CHRM3: variants seen among roughly 807,000 people sequenced by gnomAD.
The protein encoded by CHRM3 is cholinergic receptor muscarinic 3.
In CHRM3, 11 loss-of-function variants were observed where a neutral mutation model predicts 41.8. The observed-to-expected ratio is 0.26, with a 90% CI of 0.17 to 0.44. CHRM3 has a LOEUF of 0.44. Among genes scored for constraint, CHRM3 ranks in the 20% least tolerant of loss-of-function variants. The probability of loss-of-function intolerance (pLI) is 1.00; values close to 1 mark genes in which losing one functional copy is unlikely to be tolerated. For missense variants in CHRM3, 571 were observed against 745.4 expected (o/e 0.77, Z 2.72); for synonymous variants, 297 against 301.4 (o/e 0.99, Z 0.15).
chr1:239,665,353 T>G (rs1473577351), intron 4 of CHRM3, among the ~76,000 whole-genome samples: 1 of 152,076 alleles, frequency 6.6e-6, no homozygotes, highest in Non-Finnish European at 1.5e-5. Context: ...CCCTCTCATC[T>G]TGAATTTGTT....
chr1:239,680,499 A>C (rs73109177), intron 5 of CHRM3, among the ~76,000 whole-genome samples: 5,883 of 152,156 alleles, frequency 0.039, 262 homozygotes, highest in East Asian at 0.11. Context: ...TTACCTATCC[A>C]ACAGATTGCC....
At chr1:239,409,940 C>T (rs1311175767) in intron 1 of CHRM3, among the ~76,000 whole-genome samples, 4 of 151,952 alleles carry the variant, frequency 2.6e-5, no homozygotes, top group Non-Finnish European at 5.9e-5. Flanking sequence ...GACTCCGTCT[C>T]AACAAAAACA....
intron 5 of CHRM3, among the ~76,000 whole-genome samples, chr1:239,700,844 G>A (rs1444801121): frequency 6.6e-6 from 1 of 152,110 alleles, no homozygotes; most frequent in East Asian, 1.9e-4. Context: ...TGTAATTTGT[G>A]TGTGAAAGGG....
At chr1:239,584,075 C>G (rs968666107) in intron 3 of CHRM3, among the ~76,000 whole-genome samples, 1 of 150,318 alleles carries the variant, frequency 6.7e-6, no homozygotes, top group African/African-American at 2.4e-5. Context: ...GTATTTTTCT[C>G]ATGTTGGATT....
Position 239,908,828 on chromosome 1 carries a change from G to A in CHRM3, c.1377G>A (p.Lys459=). Residue 459 remains lysine, a synonymous_variant, in exon 7 of 7, where the codon AAG becomes AAA. Transcript: ENST00000676153. This position sits in a 1 kb window ranked among gnomAD's most constrained non-coding sequence, Gnocchi z 7.2. ...CGGCCACTCTACCTCTGTCCTTCAA[G>A]GAAGCCACTCTGGCCAAGAGGTTTG... The part of the protein sequence containing the change: ...KSTATLPLSF[K]EATLAKRFAL... The A allele has an allele frequency of 6.2e-7, 1 of 1,614,102 alleles. No homozygotes were observed. Among genetic ancestry groups the A allele is most frequent in the East Asian group, 2.2e-5 (1 of 44,848 alleles).
intron 5 of CHRM3, among the ~76,000 whole-genome samples, chr1:239,754,002 C>T (rs909555984): frequency 5.9e-5 from 9 of 152,084 alleles, no homozygotes; most frequent in African/African-American, 2.2e-4. Context: ...TATGTTCATT[C>T]ATTTAGTTGT....
chr1:239,589,110 T>C (rs1663768453), intron 3 of CHRM3, among the ~76,000 whole-genome samples: 2 of 151,988 alleles, frequency 1.3e-5, no homozygotes, highest in Non-Finnish European at 2.9e-5. Flanking sequence ...ATTTTTGTAT[T>C]TTTAGTAGAG....
At chr1:239,804,342 GT>G (rs11428693) in intron 5 of CHRM3, among the ~76,000 whole-genome samples, 1,772 of 150,064 alleles carry the variant, frequency 0.012, 22 homozygotes, top group Middle Eastern at 0.028. Context: ...CATTCATTGT[GT>G]TTTTTTTTTA....
intron 6 of CHRM3, among the ~76,000 whole-genome samples, chr1:239,859,370 C>T (rs763476453): frequency 9.3e-5 from 14 of 150,542 alleles, no homozygotes; most frequent in Non-Finnish European, 1.8e-4. Context: ...TGAAGTTGAG[C>T]ATCTTTTTAT....
chr1:239,387,322 A>T lies in CHRM3; in HGVS notation c.-521+95A>T, dbSNP rs1388958875. On this transcript the variant is annotated intron_variant, in intron 1 of 6. Coordinates refer to ENST00000676153, the MANE Select transcript of CHRM3 (RefSeq NM_001375978.1). The surrounding 1 kb of genome is among the most constrained non-coding windows in gnomAD (Gnocchi z 5.1). ...CCTTATCTCGTTGCGAAAGGAGGAA[A>T]AAGTTTTCGGCGCGGGTAGGAGAGG... is the stretch of plus-strand genomic sequence containing the variant. 6.6e-6 allele frequency: 1 copy of T among 151,782 alleles called. No individual in the cohort carries two copies. 9.4% of individuals were successfully genotyped at this position (151,782 alleles called of 1,614,324 possible). A position where few individuals can be genotyped will look rare whatever the true frequency, so the allele number is the denominator to read the frequency against.
intron 4 of CHRM3, among the ~76,000 whole-genome samples, chr1:239,675,796 T>G (rs1657943663): frequency 6.6e-6 from 1 of 152,186 alleles, no homozygotes; most frequent in Admixed American, 6.5e-5. Context: ...ACCTTCATGA[T>G]AAGATATTGA....
At chr1:239,735,549 A>G (rs1664326317) in intron 5 of CHRM3, among the ~76,000 whole-genome samples, 1 of 152,150 alleles carries the variant, frequency 6.6e-6, no homozygotes, top group South Asian at 2.1e-4. Flanking sequence ...ACATGGATTC[A>G]TTAATTTTGA....
intron 6 of CHRM3, among the ~76,000 whole-genome samples, chr1:239,902,967 C>T (rs536569118): frequency 6.6e-6 from 1 of 152,072 alleles, no homozygotes; most frequent in Admixed American, 6.5e-5. Context: ...ATTTCAGAAA[C>T]GTATTAGATA....
intron 6 of CHRM3, among the ~76,000 whole-genome samples, chr1:239,874,941 C>T (rs756081953): frequency 2.0e-5 from 3 of 151,910 alleles, no homozygotes; most frequent in African/African-American, 4.8e-5. Flanking sequence ...TCAGGTGATC[C>T]GCCCACCTCA....
intron 5 of CHRM3, among the ~76,000 whole-genome samples, chr1:239,745,731 C>A (rs947797153): frequency 6.6e-6 from 1 of 152,008 alleles, no homozygotes. Context: ...AAGATGTTAG[C>A]CATATCATAT....
intron 1 of CHRM3, among the ~76,000 whole-genome samples, chr1:239,477,841 C>T (rs1666569607): frequency 6.6e-6 from 1 of 152,144 alleles, no homozygotes; most frequent in South Asian, 2.1e-4. Context: ...TGAGTACAAC[C>T]CCTTGGAAGT....
intron 1 of CHRM3, among the ~76,000 whole-genome samples, chr1:239,407,168 A>G (rs1445166726): frequency 2.0e-5 from 3 of 152,034 alleles, no homozygotes; most frequent in Non-Finnish European, 2.9e-5. Flanking sequence ...CCAGAAGTCT[A>G]TATAGCTTGC....
At chr1:239,549,547 G>A (rs1659615628) in intron 3 of CHRM3, among the ~76,000 whole-genome samples, 1 of 149,606 alleles carries the variant, frequency 6.7e-6, no homozygotes, top group Admixed American at 6.7e-5. Context: ...TGTAATCCCA[G>A]CTGCCCGGGA....
At chr1:239,859,602 G>A (rs1675438560) in intron 6 of CHRM3, among the ~76,000 whole-genome samples, 1 of 151,156 alleles carries the variant, frequency 6.6e-6, no homozygotes, top group Non-Finnish European at 1.5e-5. Context: ...TTTTAGTAGA[G>A]ATGGGGTTTC....
Sources: allele counts gnomAD v4.1 joint callset (sites outside exome capture counted in the v4.1 genomes callset), GRCh38; gene constraint gnomAD v4.1.1; non-coding constraint Gnocchi (gnomAD v3.1); transcripts MANE v1.5; gene names NCBI Gene and HGNC (gene_info 2026-07-23, HGNC 2026-07-21).